ANKMY1: variants seen among roughly 807,000 people sequenced by gnomAD.
ANKMY1 encodes the protein ankyrin repeat and MYND domain-containing protein 1.
A neutral mutation model predicts 102.0 loss-of-function variants in ANKMY1; 98 were observed. The ratio of observed to expected loss-of-function variants is 0.96; its 90% CI spans 0.82 to 1.14. The LOEUF is 1.14. Ranked by LOEUF, ANKMY1 falls within the 50% of genes most tolerant of loss-of-function variation. ANKMY1 has a pLI of 0.00. For missense variants in ANKMY1, 1,330 were observed against 1,347.6 expected (o/e 0.99, Z 0.20); for synonymous variants, 582 against 559.9 (o/e 1.04, Z -0.56).
intron 5 of ANKMY1, chr2:240,526,688 C>T (rs896067772): frequency 1.6e-5 from 22 of 1,409,990 alleles, no homozygotes; most frequent in Middle Eastern, 2.6e-4. Context: ...ATGTCTGTCC[C>T]GACAGGAATG....
intron 10 of ANKMY1, 25 bp downstream of exon 10, chr2:240,512,777 C>G: frequency 6.2e-7 from 1 of 1,605,000 alleles, no homozygotes; most frequent in Non-Finnish European, 8.5e-7. Context: ...GCCCCATACC[C>G]CTATCCAGGT....
intron 15 of ANKMY1, among the ~76,000 whole-genome samples, chr2:240,483,566 G>A (rs1289890925): frequency 6.6e-6 from 1 of 152,184 alleles, no homozygotes; most frequent in Non-Finnish European, 1.5e-5. Flanking sequence ...CACATTTAAT[G>A]TTATTAATGA....
chr2:240,538,833 A>C (rs2087722927), intron 4 of ANKMY1, among the ~76,000 whole-genome samples: 1 of 152,202 alleles, frequency 6.6e-6, no homozygotes, highest in Non-Finnish European at 1.5e-5. Flanking sequence ...TAAGTGCACC[A>C]ATCAGCACTC....
chr2:240,535,286 G>A (rs1252957220), intron 4 of ANKMY1, among the ~76,000 whole-genome samples: 5 of 152,178 alleles, frequency 3.3e-5, no homozygotes, highest in African/African-American at 9.7e-5. Flanking sequence ...GGGGCTTTCA[G>A]GCTGCAGGTA....
chr2:240,476,785 G>A (rs112551717), downstream of ANKMY1, among the ~76,000 whole-genome samples: 68 of 152,322 alleles, frequency 4.5e-4, no homozygotes, highest in African/African-American at 1.4e-3. Context: ...TCATTAAAAC[G>A]GTGGTGAGAA....
At chr2:240,493,610 T>A (rs1485918690) in intron 15 of ANKMY1, among the ~76,000 whole-genome samples, 1 of 152,048 alleles carries the variant, frequency 6.6e-6, no homozygotes, top group Non-Finnish European at 1.5e-5. Flanking sequence ...AGCCAAAGCA[T>A]TGGTAGTATC....
intron 15 of ANKMY1, among the ~76,000 whole-genome samples, chr2:240,497,952 T>G (rs763104449): frequency 7.2e-5 from 11 of 152,190 alleles, no homozygotes; most frequent in Non-Finnish European, 1.6e-4. Flanking sequence ...CCCTGCCTGG[T>G]CCTCCGCTCA....
At chr2:240,554,310 G>A (rs1395629648) in intron 3 of ANKMY1, 1 of 152,456 alleles carries the variant, frequency 6.6e-6, no homozygotes, top group African/African-American at 2.4e-5. Context: ...ATGGAACAAG[G>A]TCAGTCTTAG....
Position 240,520,191 on chromosome 2 carries a change from G to A in ANKMY1, c.2004+171C>T, listed in dbSNP as rs1457660538. ...ATCCTGTCTGGGGACATGGGTGAAA[G>A]AGCGGGCTGTGGGACCCCCCACTGC... is the stretch of plus-strand genomic sequence containing the variant. On this transcript the variant is annotated intron_variant, in intron 9 of 17. Coordinates refer to ENST00000401804, the MANE Select transcript of ANKMY1 (RefSeq NM_001282771.3). This position sits in a 1 kb window ranked among gnomAD's most constrained non-coding sequence, Gnocchi z 4.8. 13 of 965,116 alleles carry A rather than the reference G, an allele frequency of 1.3e-5. No homozygotes were observed. The highest frequency in any genetic ancestry group is 4.2e-5 in the South Asian group (3 of 71,756). The allele number at this position is 965,116 out of a possible 1,614,324, so 59.8% of individuals were successfully genotyped here. A position where few individuals can be genotyped will look rare whatever the true frequency, so the allele number is the denominator to read the frequency against.
rs767488742 is a variant in ANKMY1, at chr2:240,524,351, G to A, written c.1366C>T (p.Leu456Phe). ...TTTGTGTCCATAAATGATGATGAAA[G>A]GATTGGAACAACTGGGAATTTTGGA... is the stretch of plus-strand genomic sequence containing the variant. ...EPPKFPVVPI[L>F]SSSFMDTNLE... is the part of the protein sequence containing the mutation. The change falls in exon 8 of 18, where the codon CTT becomes TTT. Residue 456 changes from leucine to phenylalanine, a missense_variant. By Grantham distance (22) the Leu-to-Phe change is conservative. Coordinates refer to ENST00000401804, the MANE Select transcript of ANKMY1 (RefSeq NM_001282771.3). 3.7e-6 allele frequency: 6 copies of A among 1,600,376 alleles called. No individual in the cohort carries two copies. The highest frequency in any genetic ancestry group is 3.3e-5 in the South Asian group (3 of 89,844).
At chr2:240,550,318 A>G (rs2091266412) in intron 4 of ANKMY1, among the ~76,000 whole-genome samples, 5 of 143,444 alleles carry the variant, frequency 3.5e-5, no homozygotes, top group Admixed American at 3.0e-4. Flanking sequence ...AACAACGAGA[A>G]CACATGGACA....
At chr2:240,493,904 C>T (rs2076930611) in intron 15 of ANKMY1, among the ~76,000 whole-genome samples, 1 of 152,070 alleles carries the variant, frequency 6.6e-6, no homozygotes, top group Non-Finnish European at 1.5e-5. Context: ...GGCAGCTGAG[C>T]TGGCACAGCA....
In ANKMY1 at chr2:240,509,336, G is replaced by A; in HGVS notation, c.2394+12C>T. ...ATAGGTGCACAGGTCTGTGGGTACA[G>A]AACATGCTCACCAGCTCATTCCCAC... On this transcript the variant is annotated intron_variant, in intron 12 of 17. Coordinates refer to ENST00000401804, the MANE Select transcript of ANKMY1 (RefSeq NM_001282771.3). 1 of 1,604,534 alleles carries A rather than the reference G, an allele frequency of 6.2e-7. No homozygotes were observed. The highest frequency in any genetic ancestry group is 1.7e-5 in the Admixed American group (1 of 59,826).
chr2:240,527,001 G>A lies in ANKMY1; in HGVS notation c.954-556C>T, dbSNP rs1159290222. 5.0e-6 allele frequency: 5 copies of A among 1,001,342 alleles called. No individual in the cohort carries two copies. The African/African-American group carries it at 6.9e-5, about 14-fold the overall frequency. The allele number at this position is 1,001,342 out of a possible 1,614,324, so 62.0% of individuals were successfully genotyped here. On this transcript the variant is annotated intron_variant, in intron 5 of 17. Coordinates refer to ENST00000401804, the MANE Select transcript of ANKMY1 (RefSeq NM_001282771.3). The stretch of plus-strand genomic sequence containing the variant: ...ACCTAACAGTCTTCAACAATTACAA[G>A]CCCAGTTGATGTCTGCATGATGGAT...
chr2:240,560,923 C>T (rs1438152141), upstream of ANKMY1: 3 of 1,535,620 alleles, frequency 2.0e-6, no homozygotes, highest in Non-Finnish European at 1.7e-6. Context: ...GACCTGCTGG[C>T]GCACCTGGAG....
At chr2:240,504,701 G>A (rs1277382492) in intron 13 of ANKMY1, among the ~76,000 whole-genome samples, 3 of 152,250 alleles carry the variant, frequency 2.0e-5, no homozygotes, top group Non-Finnish European at 2.9e-5. Flanking sequence ...AGGGAAATAC[G>A]AATCAACAAA....
chr2:240,527,550 GGTGGGTGA>G (rs546278461), intron 5 of ANKMY1: 67 of 87,770 alleles, frequency 7.6e-4, no homozygotes, highest in African/African-American at 2.7e-3. Flanking sequence ...TGGATGGAAA[GGTGGGTGA>G]GTGGGTGAAT....
At chr2:240,513,275 C>T (rs899387091) in intron 9 of ANKMY1, among the ~76,000 whole-genome samples, 1 of 152,218 alleles carries the variant, frequency 6.6e-6, no homozygotes, top group African/African-American at 2.4e-5. Flanking sequence ...CCTGCCAGGC[C>T]CACCACATTA....
At chr2:240,532,637 G>C (rs978443173) in intron 4 of ANKMY1, among the ~76,000 whole-genome samples, 1 of 152,064 alleles carries the variant, frequency 6.6e-6, no homozygotes, top group African/African-American at 2.4e-5. Context: ...TCTTATTAGG[G>C]GTATGACTAA....
Sources: allele counts gnomAD v4.1 joint callset (sites outside exome capture counted in the v4.1 genomes callset), GRCh38; gene constraint gnomAD v4.1.1; non-coding constraint Gnocchi (gnomAD v3.1); transcripts MANE v1.5; gene names NCBI Gene and HGNC (gene_info 2026-07-23, HGNC 2026-07-21).